The following IL1RAPL1 variants were observed in gnomAD, a reference collection of about 807,000 sequenced individuals.
IL1RAPL1 encodes interleukin 1 receptor accessory protein like 1.
In IL1RAPL1, 3 loss-of-function variants were observed where a neutral mutation model predicts 48.4. The ratio of observed to expected loss-of-function variants is 0.06; its 90% CI spans 0.03 to 0.16. The LOEUF (loss-of-function observed/expected upper bound fraction) is 0.16, where lower values mean the gene tolerates loss of function less well. Ranked by LOEUF, IL1RAPL1 falls within the 10% of genes least tolerant of loss-of-function variation. IL1RAPL1 has a pLI of 1.00. For synonymous variants in IL1RAPL1, 185 were observed against 187.7 expected, an observed-to-expected ratio of 0.99 and a Z score of 0.12; for missense variants, 349 against 530.6, an observed-to-expected ratio of 0.66 and a Z score of 3.36.
At chrX:28,591,571 G>GGT (rs1569134532) in intron 1 of IL1RAPL1, among the ~76,000 whole-genome samples, 1 of 112,036 alleles carries the variant, frequency 8.9e-6, no homozygotes, top group Non-Finnish European at 1.9e-5. Context: ...CAAGTTTTCT[G>GGT]GTGATGCTCA....
intron 2 of IL1RAPL1, among the ~76,000 whole-genome samples, chrX:28,989,096 T>A (rs995817613): frequency 4.5e-5 from 5 of 112,245 alleles, no homozygotes; most frequent in South Asian, 3.7e-4. Context: ...ACTGAGATAA[T>A]TATTATAAAG....
rs1933738817 is a variant in IL1RAPL1, at chrX:29,383,604, C to T, written c.363-12654C>T. Among the ~76,000 whole-genome samples the T allele has an allele frequency of 4.5e-5, 5 of 111,339 alleles. No individual in the cohort carries two copies. The Admixed American group carries it at 4.8e-4, about 11-fold the overall frequency. Reference sequence around the variant, plus strand: ...GCCATTTTCTTTTTCCAAAAATGACCGGTTATTGCCGAGTAAAGTTACTAG... The same window carrying T: ...GCCATTTTCTTTTTCCAAAAATGACTGGTTATTGCCGAGTAAAGTTACTAG... On this transcript the variant is annotated intron_variant, in intron 3 of 10. Coordinates refer to ENST00000378993, the MANE Select transcript of IL1RAPL1 (RefSeq NM_014271.4).
chrX:29,422,735 C>T (rs1319060540), intron 5 of IL1RAPL1, among the ~76,000 whole-genome samples: 1 of 111,581 alleles, frequency 9.0e-6, no homozygotes, highest in Non-Finnish European at 1.9e-5. Context: ...TGGTACATTA[C>T]CTAGCCTGTA....
chrX:28,808,035 CCTT>C (rs1215129624), intron 2 of IL1RAPL1, among the ~76,000 whole-genome samples: 3 of 110,715 alleles, frequency 2.7e-5, no homozygotes, highest in Admixed American at 9.7e-5. Flanking sequence ...GTGTCTTCCT[CCTT>C]CTTCTTTCTG....
chrX:28,731,983 G>T (rs890180781), intron 1 of IL1RAPL1, among the ~76,000 whole-genome samples: 6 of 111,374 alleles, frequency 5.4e-5, no homozygotes, highest in African/African-American at 9.8e-5. Context: ...CAGGGATGAG[G>T]TAACCAGGGT....
intron 5 of IL1RAPL1, among the ~76,000 whole-genome samples, chrX:29,566,129 C>T (rs1284721420): frequency 1.8e-5 from 2 of 111,149 alleles, no homozygotes; most frequent in East Asian, 2.8e-4. Context: ...TTTGTAGAGA[C>T]GGGGTTTCAC....
intron 8 of IL1RAPL1, among the ~76,000 whole-genome samples, chrX:29,932,079 T>G (rs1251225778): frequency 8.9e-6 from 1 of 112,470 alleles, no homozygotes; most frequent in African/African-American, 3.2e-5. Context: ...TATAACAGTA[T>G]CTTCCTTCTT....
chrX:29,365,328 G>A (rs1933436384), intron 3 of IL1RAPL1, among the ~76,000 whole-genome samples: 2 of 112,030 alleles, frequency 1.8e-5, no homozygotes, highest in South Asian at 7.4e-4. Context: ...AGGAGAGATA[G>A]GCCAAATCCG....
intron 5 of IL1RAPL1, among the ~76,000 whole-genome samples, chrX:29,497,670 CTT>C (rs754361478): frequency 0.012 from 1,297 of 110,979 alleles, 17 homozygotes; most frequent in African/African-American, 0.041. Context: ...AAATGGATAA[CTT>C]TTTGACTAAT....
At chrX:29,782,689 T>A (rs1929375565) in intron 6 of IL1RAPL1, among the ~76,000 whole-genome samples, 1 of 110,565 alleles carries the variant, frequency 9.0e-6, no homozygotes. Flanking sequence ...TTTAGCTGAT[T>A]CTTGGAAAAA....
At chrX:29,604,200 C>T (rs780965906) in intron 5 of IL1RAPL1, among the ~76,000 whole-genome samples, 1 of 112,211 alleles carries the variant, frequency 8.9e-6, no homozygotes, top group African/African-American at 3.2e-5. Context: ...TTTCAAACTT[C>T]TACTTTCTCC....
chrX:28,761,980 A>T (rs1936178556), intron 1 of IL1RAPL1, among the ~76,000 whole-genome samples: 1 of 111,654 alleles, frequency 9.0e-6, no homozygotes, highest in Non-Finnish European at 1.9e-5. Context: ...TAATAATAGC[A>T]CCAACCCTTA....
chrX:29,067,092 ATTGT>A (rs778737971), intron 2 of IL1RAPL1, among the ~76,000 whole-genome samples: 25 of 110,671 alleles, frequency 2.3e-4, no homozygotes, highest in South Asian at 1.2e-3. Context: ...AATGGTTGTT[ATTGT>A]TTGTTTGTTT....
chrX:29,514,199 G>C (rs1446388178), intron 5 of IL1RAPL1, among the ~76,000 whole-genome samples: 1 of 111,453 alleles, frequency 9.0e-6, no homozygotes, highest in Non-Finnish European at 1.9e-5. Context: ...TTATGTAAGA[G>C]AATTATGAAA....
intron 2 of IL1RAPL1, among the ~76,000 whole-genome samples, chrX:29,145,979 C>T (rs1038158437): frequency 1.8e-5 from 2 of 111,689 alleles, no homozygotes; most frequent in South Asian, 3.7e-4. Flanking sequence ...CCTTGCTTCC[C>T]ATCAATTCAC....
intron 5 of IL1RAPL1, among the ~76,000 whole-genome samples, chrX:29,635,290 G>C (rs1569133707): frequency 8.9e-6 from 1 of 111,875 alleles, no homozygotes; most frequent in East Asian, 2.8e-4. Context: ...AGAAATGTTA[G>C]GACACCAAGG....
intron 2 of IL1RAPL1, among the ~76,000 whole-genome samples, chrX:28,800,063 G>C (rs754391966): frequency 8.9e-6 from 1 of 111,786 alleles, no homozygotes; most frequent in East Asian, 2.8e-4. Context: ...CGAAATCAAA[G>C]TATAAGCAGG....
chrX:29,262,657 C>T (rs953498406), intron 2 of IL1RAPL1, among the ~76,000 whole-genome samples: 4 of 107,146 alleles, frequency 3.7e-5, no homozygotes, highest in African/African-American at 1.4e-4. Context: ...GAGCGAAACT[C>T]CATCTCAAAA....
intron 2 of IL1RAPL1, among the ~76,000 whole-genome samples, chrX:29,082,429 A>T (rs1927863329): frequency 8.9e-6 from 1 of 112,557 alleles, no homozygotes; most frequent in Admixed American, 9.4e-5. Flanking sequence ...TTTACAATGA[A>T]GCTGCAGTTG....
Sources: allele counts gnomAD v4.1 joint callset (sites outside exome capture counted in the v4.1 genomes callset), GRCh38; gene constraint gnomAD v4.1.1; transcripts MANE v1.5; gene names NCBI Gene and HGNC (gene_info 2026-07-23, HGNC 2026-07-21).